ZC3H11A: variants seen among roughly 807,000 people sequenced by gnomAD.
ZC3H11A encodes the protein zinc finger CCCH-type containing 11A.
ZC3H11A carries 22 observed loss-of-function variants against 90.8 expected under a neutral mutation model. That is an observed-to-expected ratio of 0.24 (90% CI 0.17 to 0.35). The LOEUF (loss-of-function observed/expected upper bound fraction) is 0.35, where lower values mean the gene tolerates loss of function less well. Among genes scored for constraint, ZC3H11A ranks in the 10% least tolerant of loss-of-function variants. The pLI, the probability that ZC3H11A is intolerant of heterozygous loss-of-function variation, is 1.00. For synonymous variants in ZC3H11A, 294 were observed against 339.8 expected (o/e 0.87, Z 1.48); for missense variants, 701 against 964.9 (o/e 0.73, Z 3.62).
Position 203,842,121 on chromosome 1 carries a change from C to T in ZC3H11A, c.1042+1747C>T, listed in dbSNP as rs573452603. On this transcript the variant is annotated intron_variant, in intron 12 of 17. Transcript: ENST00000367210. ...GGCGCTCCTCACTTCCCAGACTGGG[C>T]GGCTGGGCGGAAGGGCTCCTCACAT... 1.9e-3 allele frequency among the ~76,000 whole-genome samples: 280 copies of T among 149,064 alleles called. 2 individuals carry two copies. Among genetic ancestry groups the T allele is most frequent in the African/African-American group, 6.6e-3 (264 of 40,026 alleles).
rs1170105028 is a variant in ZC3H11A at position 203,819,079 on chromosome 1, T to A, written c.174+390T>A. On this transcript the variant is annotated intron_variant, in intron 4 of 17. Coordinates refer to ENST00000367210, the MANE Select transcript of ZC3H11A (RefSeq NM_001376342.1). ...CAACACTCCGTCTCAAAAAAAAAAA[T>A]ATATATATATACACACACACACACA... 2.5e-3 allele frequency among the ~76,000 whole-genome samples: 148 copies of A among 60,070 alleles called. 1 individual carries two copies. Among genetic ancestry groups the A allele is most frequent in the African/African-American group, 6.4e-3 (134 of 21,006 alleles). 39.4% of individuals were successfully genotyped at this position (60,070 alleles called of 152,430 possible). A position where few individuals can be genotyped will look rare whatever the true frequency, so the allele number is the denominator to read the frequency against.
chr1:203,817,267 T>G, intron 3 of ZC3H11A, 143 bp downstream of exon 3: 1 of 600,690 alleles, frequency 1.7e-6, no homozygotes, highest in Non-Finnish European at 2.8e-6. Flanking sequence ...TTTTAAAGGA[T>G]AATGTATTTA....
At chr1:203,834,766 C>T (rs12733513) in intron 10 of ZC3H11A, among the ~76,000 whole-genome samples, 16,947 of 152,238 alleles carry the variant, frequency 0.11, 1,181 homozygotes, top group Non-Finnish European at 0.15. Context: ...TCTCCTGCCT[C>T]AGCCTCTCAA....
At chr1:203,852,066 G>A (rs1689446706) in intron 17 of ZC3H11A, 75 bp from the exon 18 acceptor site, 2 of 1,494,088 alleles carry the variant, frequency 1.3e-6, no homozygotes, top group South Asian at 2.4e-5. Flanking sequence ...TGCTCACTTT[G>A]TGTCCGTGAG....
intron 10 of ZC3H11A, 177 bp downstream of exon 10, chr1:203,834,030 G>T (rs187175437): frequency 1.9e-5 from 24 of 1,266,168 alleles, no homozygotes. Flanking sequence ...AAGATACAGA[G>T]ATTTAAAGTG....
intron 4 of ZC3H11A, among the ~76,000 whole-genome samples, chr1:203,820,246 A>G (rs1234234655): frequency 6.6e-6 from 1 of 151,980 alleles, no homozygotes. Flanking sequence ...AGAAAAAAAA[A>G]AAAAAAGCCC....
Position 203,798,188 on chromosome 1 carries a change from A to T in ZC3H11A, c.-1588+2394A>T, listed in dbSNP as rs952457694. 4 of 1,536,046 alleles carry T rather than the reference A, an allele frequency of 2.6e-6. No homozygotes were observed. The African/African-American group carries it at 5.5e-5, about 21-fold the overall frequency. On this transcript the variant is annotated intron_variant, in intron 1 of 17. Coordinates refer to ENST00000367210, the MANE Select transcript of ZC3H11A (RefSeq NM_001376342.1). ...GCTTTGAATATATTCCTACTGATCC[A>T]TTAGATGATAATAGAATGGGCAAGA...
At position 203,850,958 on chromosome 1, in the gene ZC3H11A, A is replaced by C. The variant is rs1193737937; in HGVS notation, c.2107-99A>C. 3.6e-6 allele frequency: 5 copies of C among 1,398,826 alleles called. No individual in the cohort carries two copies. In the East Asian group the frequency reaches 9.1e-5, roughly 26 times the overall value. 86.7% of individuals were successfully genotyped at this position (1,398,826 alleles called of 1,614,324 possible). Reference sequence around the variant, plus strand: ...GATTCTTAGATTCACAGGCTTAAAGAATCATAGCCACAATTCTAAGAAGGC... The same window carrying C: ...GATTCTTAGATTCACAGGCTTAAAGCATCATAGCCACAATTCTAAGAAGGC... On this transcript the variant is annotated intron_variant, in intron 16 of 17. Transcript: ENST00000367210.
intron 11 of ZC3H11A, among the ~76,000 whole-genome samples, chr1:203,839,419 G>T (rs1685394825): frequency 6.6e-6 from 1 of 152,128 alleles, no homozygotes; most frequent in African/African-American, 2.4e-5. Flanking sequence ...TGTATGACTT[G>T]CAGTGAAACA....
intron 10 of ZC3H11A, 141 bp from the exon 11 acceptor site, chr1:203,837,825 C>T (rs972662943): frequency 1.3e-6 from 1 of 758,794 alleles, no homozygotes; most frequent in Admixed American, 3.1e-5. Flanking sequence ...ACATTGAACT[C>T]TAAGGAAGCT....
intron 4 of ZC3H11A, among the ~76,000 whole-genome samples, chr1:203,820,599 T>C (rs1678284059): frequency 6.6e-6 from 1 of 151,894 alleles, no homozygotes; most frequent in Non-Finnish European, 1.5e-5. Flanking sequence ...TGCCTCAACC[T>C]CTCGAGTAGC....
chr1:203,803,287 G>T (rs1671089325), intron 2 of ZC3H11A, among the ~76,000 whole-genome samples: 1 of 152,070 alleles, frequency 6.6e-6, no homozygotes, highest in Admixed American at 6.6e-5. Flanking sequence ...CTCCTCCCAG[G>T]TTCAAGCAGT....
At chr1:203,850,917 C>G in intron 16 of ZC3H11A, 140 bp from the exon 17 acceptor site, 1 of 1,217,520 alleles carries the variant, frequency 8.2e-7, no homozygotes, top group Non-Finnish European at 1.2e-6. Context: ...TTTATATACT[C>G]AACCTTTAGA....
intron 2 of ZC3H11A, among the ~76,000 whole-genome samples, chr1:203,812,833 C>T (rs568825341): frequency 2.0e-5 from 3 of 152,202 alleles, no homozygotes; most frequent in East Asian, 1.9e-4. Flanking sequence ...CCACCTGCCT[C>T]GGCCTCCCAA....
chr1:203,838,423 T>C (rs901880477), intron 11 of ZC3H11A, among the ~76,000 whole-genome samples: 1 of 152,206 alleles, frequency 6.6e-6, no homozygotes, highest in East Asian at 1.9e-4. Flanking sequence ...TGTTAAAGTT[T>C]AGACCTAAGA....
chr1:203,821,386 T>C (rs941232554), intron 4 of ZC3H11A, among the ~76,000 whole-genome samples: 1 of 152,056 alleles, frequency 6.6e-6, no homozygotes, highest in African/African-American at 2.4e-5. Context: ...ATACATGTGG[T>C]TTTCTATTTT....
Position 203,806,171 on chromosome 1 carries a change from C to T in ZC3H11A, c.-146+3155C>T, listed in dbSNP as rs567829520. ...TCAGCATCCAATCTAGAAATCTTGT[C>T]AGTGGATTCTGCCCTGCTGTCCACC... On this transcript the variant is annotated intron_variant, in intron 2 of 17. Coordinates refer to ENST00000367210, the MANE Select transcript of ZC3H11A (RefSeq NM_001376342.1). 315 of 493,754 alleles carry T rather than the reference C, an allele frequency of 6.4e-4. 5 individuals are homozygous for T. Among genetic ancestry groups the T allele is most frequent in the South Asian group, 4.0e-3 (257 of 64,806 alleles). 30.6% of individuals were successfully genotyped at this position (493,754 alleles called of 1,614,324 possible). A position where few individuals can be genotyped will look rare whatever the true frequency, so the allele number is the denominator to read the frequency against.
intron 1 of ZC3H11A, chr1:203,796,605 A>G (rs1182605108): frequency 7.6e-6 from 3 of 396,590 alleles, no homozygotes; most frequent in Non-Finnish European, 1.3e-5. Flanking sequence ...TTTTAGGGTA[A>G]ATGTATGTAG....
chr1:203,814,244 G>A (rs763858455), intron 2 of ZC3H11A, among the ~76,000 whole-genome samples: 8 of 151,972 alleles, frequency 5.3e-5, no homozygotes, highest in South Asian at 2.1e-4. Flanking sequence ...TAACCTTTCC[G>A]GCCAGGCGCT....
Sources: allele counts gnomAD v4.1 joint callset (sites outside exome capture counted in the v4.1 genomes callset), GRCh38; gene constraint gnomAD v4.1.1; transcripts MANE v1.5; gene names NCBI Gene and HGNC (gene_info 2026-07-23, HGNC 2026-07-21).